ALDH7A1: variants seen among roughly 807,000 people sequenced by gnomAD.
The protein encoded by ALDH7A1 is aldehyde dehydrogenase 7 family member A1, also known as alpha-aminoadipic semialdehyde dehydrogenase.
Under a neutral mutation model 79.9 loss-of-function variants are expected in ALDH7A1, and 63 were observed. That is an observed-to-expected ratio of 0.79 (90% CI 0.64 to 0.97). The LOEUF (loss-of-function observed/expected upper bound fraction) is 0.97. ALDH7A1 is among the 50% of genes least tolerant of loss of function. The pLI is 0.00. For missense variants in ALDH7A1, 627 were observed against 665.2 expected, an observed-to-expected ratio of 0.94 and a Z score of 0.63; for synonymous variants, 240 against 231.2, an observed-to-expected ratio of 1.04 and a Z score of -0.34.
At chr5:126,579,482 C>T (rs775950113) in intron 5 of ALDH7A1, among the ~76,000 whole-genome samples, 1 of 152,170 alleles carries the variant, frequency 6.6e-6, no homozygotes, top group Non-Finnish European at 1.5e-5. Context: ...TTATCTCCCA[C>T]TCTAAGGTAT....
In ALDH7A1 at chr5:126,568,556, A is replaced by T. The variant is rs1750671432; in HGVS notation, c.774-200T>A. On this transcript the variant is annotated intron_variant, in intron 8 of 17. Transcript: ENST00000409134. ...GTAGAACCATTAGGCAGAAGAGGCT[A>T]ACCTGCTGTGAGCATTTGAATAGAA... 20 of 588,904 alleles carry T rather than the reference A, an allele frequency of 3.4e-5. No homozygotes were observed. The South Asian group carries it at 3.6e-4, about 10-fold the overall frequency. 36.5% of individuals were successfully genotyped at this position (588,904 alleles called of 1,614,324 possible). A position where few individuals can be genotyped will look rare whatever the true frequency, so the allele number is the denominator to read the frequency against.
chr5:126,548,330 T>G (rs77822695), intron 16 of ALDH7A1, among the ~76,000 whole-genome samples: 2 of 151,856 alleles, frequency 1.3e-5, no homozygotes, highest in Non-Finnish European at 2.9e-5. Flanking sequence ...TTTTAATTTT[T>G]GTAGAGACAG....
rs79449010 is a variant in ALDH7A1, at chr5:126,584,126, T to C, written c.313-114A>G. On this transcript the variant is annotated intron_variant, in intron 3 of 17. Coordinates refer to ENST00000409134, the MANE Select transcript of ALDH7A1 (RefSeq NM_001182.5). ...ATTACAATCATATCAAAGAAGACTT[T>C]TGATCACATCAAAACTGTGATATGG... is the stretch of plus-strand genomic sequence containing the variant. The C allele has an allele frequency of 0.037, 34,308 of 934,526 alleles. 858 individuals are homozygous for C. The highest frequency in any genetic ancestry group is 0.044 in the Non-Finnish European group (25,511 of 581,684). The allele number at this position is 934,526 out of a possible 1,614,324, so 57.9% of individuals were successfully genotyped here. A position where few individuals can be genotyped will look rare whatever the true frequency, so the allele number is the denominator to read the frequency against.
chr5:126,551,978 C>CA, intron 14 of ALDH7A1, 43 bp downstream of exon 14: 2 of 1,447,700 alleles, frequency 1.4e-6, no homozygotes, highest in African/African-American at 2.8e-5. Flanking sequence ...TTCCTCTTAT[C>CA]ATTTATTTCA....
rs1263128459 is a variant in ALDH7A1, at chr5:126,595,001, G to A, written c.192+6C>T. On this transcript the variant is annotated splice_donor_region_variant and intron_variant, in intron 1 of 17. Coordinates refer to ENST00000409134, the MANE Select transcript of ALDH7A1 (RefSeq NM_001182.5). Reference sequence around the variant, plus strand: ...GGCTGCAGAGATTTCTTGAGCGCCCGCGTACCTCTCCCCGGCCTCCCCAGC... The same window carrying A: ...GGCTGCAGAGATTTCTTGAGCGCCCACGTACCTCTCCCCGGCCTCCCCAGC... 2 of 1,592,012 alleles carry A rather than the reference G, an allele frequency of 1.3e-6. No homozygotes were observed. The highest frequency in any genetic ancestry group is 1.7e-6 in the Non-Finnish European group (2 of 1,170,114).
chr5:126,595,057 G>GT lies in ALDH7A1; in HGVS notation c.141_142insA (p.Arg48ThrfsTer9), dbSNP rs1296037862. On this transcript the variant is annotated frameshift_variant, in exon 1 of 18. Transcript: ENST00000409134. LOFTEE classifies it high-confidence loss of function. Reference sequence around the variant, plus strand: ...TTATACACGCCCTCGTTTTCCTCGCGGAGCCCCAGCTCTTTCAGCCACGCA... The same window carrying GT: ...TTATACACGCCCTCGTTTTCCTCGCGTGAGCCCCAGCTCTTTCAGCCACGCA... 1.2e-6 allele frequency: 2 copies of GT among 1,609,828 alleles called. No individual in the cohort carries two copies. The highest frequency in any genetic ancestry group is 1.7e-6 in the Non-Finnish European group (2 of 1,178,296).
intron 7 of ALDH7A1, among the ~76,000 whole-genome samples, chr5:126,572,473 T>C (rs1750809073): frequency 6.6e-6 from 1 of 152,226 alleles, no homozygotes; most frequent in South Asian, 2.1e-4. Context: ...GGCATGAGAA[T>C]CTAACTTTAA....
intron 7 of ALDH7A1, among the ~76,000 whole-genome samples, chr5:126,574,433 T>G (rs983221590): frequency 8.6e-5 from 13 of 150,368 alleles, no homozygotes; most frequent in Non-Finnish European, 1.2e-4. Flanking sequence ...TGGTGGCTCA[T>G]GCCTGTAATC....
At chr5:126,591,687 T>C (rs1457473099) in intron 3 of ALDH7A1, among the ~76,000 whole-genome samples, 4 of 152,106 alleles carry the variant, frequency 2.6e-5, no homozygotes, top group Non-Finnish European at 5.9e-5. Context: ...ATGGGGGTAG[T>C]GGAAAGGTTG....
At chr5:126,570,501 G>A in intron 8 of ALDH7A1, 1 of 382,700 alleles carries the variant, frequency 2.6e-6, no homozygotes, top group Non-Finnish European at 4.9e-6. Context: ...CAAGTGTCAG[G>A]AAGTCACAGG....
chr5:126,553,489 G>C (rs1008733310), intron 13 of ALDH7A1: 2 of 152,304 alleles, frequency 1.3e-5, no homozygotes, highest in African/African-American at 4.8e-5. Flanking sequence ...CAAGGACAGT[G>C]GATCACGAAG....
At chr5:126,546,915 C>G (rs78283832) in intron 16 of ALDH7A1, among the ~76,000 whole-genome samples, 1,660 of 152,276 alleles carry the variant, frequency 0.011, 45 homozygotes, top group African/African-American at 0.038. Flanking sequence ...CCTGGTCTTT[C>G]TCATGAGAGG....
intron 2 of ALDH7A1, among the ~76,000 whole-genome samples, chr5:126,592,986 A>C (rs997000899): frequency 2.0e-5 from 3 of 152,228 alleles, no homozygotes; most frequent in Non-Finnish European, 4.4e-5. Flanking sequence ...CATGTAAGGC[A>C]TATTAGAAAT....
At position 126,595,133 on chromosome 5, in the gene ALDH7A1, C is replaced by T. The variant is rs1049217; in HGVS notation, c.66G>A (p.Trp22Ter). The T allele has an allele frequency of 1.2e-5, 19 of 1,570,896 alleles. No individual in the cohort carries two copies. The highest frequency in any genetic ancestry group is 1.6e-5 in the Non-Finnish European group (18 of 1,157,304). The change falls in exon 1 of 18, where the codon TGG becomes TGA. Residue 22 changes from tryptophan (W) to a stop codon, truncating the protein, a stop_gained. Coordinates refer to ENST00000409134, the MANE Select transcript of ALDH7A1 (RefSeq NM_001182.5). LOFTEE classifies it high-confidence loss of function. ...AAKTSKLSGP[W>*]SRPAAFMSTL... The stretch of plus-strand genomic sequence containing the variant: ...TGGACATGAAGGCGGCAGGCCTGCT[C>T]CAAGGTCCAGAGAGCTTGCTGGTCT...
chr5:126,586,691 C>T (rs1056958348), intron 3 of ALDH7A1: 2 of 152,248 alleles, frequency 1.3e-5, no homozygotes, highest in African/African-American at 4.8e-5. Context: ...AGACCTAAAG[C>T]ATGCCAGGTG....
chr5:126,594,956 C>T, intron 1 of ALDH7A1, 51 bp downstream of exon 1: 1 of 1,552,568 alleles, frequency 6.4e-7, no homozygotes, highest in Non-Finnish European at 8.7e-7. Flanking sequence ...CCCGCCCGGC[C>T]TCCTCGAGCG....
chr5:126,545,424 G>A lies in ALDH7A1; in HGVS notation c.1566-405C>T, dbSNP rs1749752968. 2.0e-5 allele frequency among the ~76,000 whole-genome samples: 3 copies of A among 151,674 alleles called. No individual in the cohort carries two copies. In the South Asian group the frequency reaches 6.3e-4, roughly 32 times the overall value. On this transcript the variant is annotated intron_variant, in intron 17 of 17. Transcript: ENST00000409134. ...TGATTAGCTGTGCACCACCACGCCT[G>A]GCTAATTTTTGTATTTTTAGTAGAG...
intron 5 of ALDH7A1, among the ~76,000 whole-genome samples, chr5:126,580,822 C>A (rs1314581808): frequency 6.6e-6 from 1 of 150,808 alleles, no homozygotes; most frequent in African/African-American, 2.5e-5. Flanking sequence ...ACACTCTTAA[C>A]CTCATTTTTT....
intron 1 of ALDH7A1, chr5:126,594,460 T>TC: frequency 3.5e-6 from 1 of 288,176 alleles, no homozygotes; most frequent in Admixed American, 4.4e-5. Flanking sequence ...TTTTTTTTTT[T>TC]TGAGACGGAA....
Sources: gnomAD v4.1 joint callset for allele counts (sites outside exome capture counted in the v4.1 genomes callset) on GRCh38, gnomAD v4.1.1 for gene constraint, MANE v1.5 for transcripts, NCBI Gene and HGNC (gene_info 2026-07-23, HGNC 2026-07-21) for gene names.